PHF3: variants seen among roughly 807,000 people sequenced by gnomAD.
The protein encoded by PHF3 is PHD finger protein 3.
Under a neutral mutation model 178.4 loss-of-function variants are expected in PHF3, and 41 were observed. The ratio of observed to expected loss-of-function variants is 0.23; its 90% CI spans 0.18 to 0.30. The LOEUF (loss-of-function observed/expected upper bound fraction) is 0.30, where lower values mean the gene tolerates loss of function less well. Ranked by LOEUF, PHF3 falls within the 10% of genes least tolerant of loss-of-function variation. The pLI is 1.00. For synonymous variants in PHF3, 842 were observed against 800.5 expected (o/e 1.05, Z -0.88); for missense variants, 2,346 against 2,398.1 (o/e 0.98, Z 0.45).
Position 63,694,681 on chromosome 6 carries a change from G to A in PHF3, c.2597G>A (p.Arg866Gln), listed in dbSNP as rs766189930. The change falls in exon 6 of 16, where the codon CGG becomes CAG. Residue 866 changes from arginine (R) to glutamine (Q), a missense_variant. Physicochemically the swap from Arg to Gln is conservative, Grantham distance 43 (BLOSUM62 1). Around this residue, in one of 8 missense-constraint regions of PHF3, gnomAD observed 252 missense variants for 232.0 expected, o/e 1.09. Transcript: ENST00000262043. Reference protein sequence around the residue: ...LRKMGQPVLPRRSSEEKSEKI... With the variant: ...LRKMGQPVLPQRSSEEKSEKI... ...AAGATGGGACAACCAGTTTTACCTC[G>A]GAGATCCTCAGAAGAAAAAAGTGAA... 25 of 1,601,814 alleles carry A rather than the reference G, an allele frequency of 1.6e-5. No homozygotes were observed. Among genetic ancestry groups the A allele is most frequent in the Non-Finnish European group, 2.1e-5 (25 of 1,173,586 alleles).
chr6:63,688,146 A>T (rs1582081729), intron 4 of PHF3, among the ~76,000 whole-genome samples: 1 of 122,362 alleles, frequency 8.2e-6, no homozygotes, highest in South Asian at 2.7e-4. Flanking sequence ...AGATCATGCT[A>T]CTCCACTTCA....
intron 1 of PHF3, among the ~76,000 whole-genome samples, chr6:63,638,416 G>T (rs1328653418): frequency 1.3e-5 from 2 of 152,026 alleles, no homozygotes; most frequent in Admixed American, 1.3e-4. Flanking sequence ...TAACATGGTG[G>T]GATGGTGTTT....
chr6:63,713,784 C>A lies in PHF3; in HGVS notation c.*76C>A. On this transcript the variant is annotated 3_prime_UTR_variant, in exon 16 of 16. Transcript: ENST00000262043. ...ATCTTGTAAACAAAAGAAAGATTGC[C>A]TGCTAGGATTGTGCCATCTTTAAAA... The A allele has an allele frequency of 8.1e-7, 1 of 1,240,998 alleles. No homozygotes were observed. The highest frequency in any genetic ancestry group is 1.1e-6 in the Non-Finnish European group (1 of 909,152). The allele number at this position is 1,240,998 out of a possible 1,614,324, so 76.9% of individuals were successfully genotyped here.
At chr6:63,690,399 A>G (rs1766945335) in intron 4 of PHF3, among the ~76,000 whole-genome samples, 1 of 152,184 alleles carries the variant, frequency 6.6e-6, no homozygotes, top group Admixed American at 6.5e-5. Context: ...CACATGAGGA[A>G]GAAGAAAAGG....
chr6:63,646,790 C>T lies in PHF3; in HGVS notation c.239C>T (p.Ser80Leu). Residue 80 changes from serine (S) to leucine (L), a missense_variant, in exon 2 of 16, where the codon TCA becomes TTA. Ser to Leu is a moderately radical substitution (Grantham distance 145, BLOSUM62 -2). Transcript: ENST00000262043. ...SNDPNFQMPC[S>L]TVVGLDDIMD... Reference sequence around the variant, plus strand: ...GATCCCAATTTCCAGATGCCTTGTTCAACAGGTAATTCTTACTTTTTTTTT... The same window carrying T: ...GATCCCAATTTCCAGATGCCTTGTTTAACAGGTAATTCTTACTTTTTTTTT... 1 of 1,140,528 alleles carries T rather than the reference C, an allele frequency of 8.8e-7. No individual in the cohort carries two copies. The highest frequency in any genetic ancestry group is 1.2e-6 in the Non-Finnish European group (1 of 849,734). The allele number at this position is 1,140,528 out of a possible 1,614,324, so 70.7% of individuals were successfully genotyped here. A position where few individuals can be genotyped will look rare whatever the true frequency, so the allele number is the denominator to read the frequency against.
intron 4 of PHF3, among the ~76,000 whole-genome samples, chr6:63,686,963 C>G (rs1288487932): frequency 1.3e-5 from 2 of 152,082 alleles, no homozygotes; most frequent in Non-Finnish European, 2.9e-5. Context: ...AGTTTTATGT[C>G]AAAGTATTTC....
chr6:63,716,058 T>G lies in PHF3; in HGVS notation c.*2350T>G, dbSNP rs1298405546. ...CAGGGCATCTCAGTACCTGTAAAGT[T>G]CACCCCATGTAATCTTTGTGGCAAT... On this transcript the variant is annotated 3_prime_UTR_variant, in exon 16 of 16. Transcript: ENST00000262043. Among the ~76,000 whole-genome samples, 1 of 152,194 alleles carries G rather than the reference T, an allele frequency of 6.6e-6. No individual in the cohort carries two copies. The highest frequency in any genetic ancestry group is 1.5e-5 in the Non-Finnish European group (1 of 68,036).
At position 63,712,465 on chromosome 6, in the gene PHF3, A is replaced by G. The variant is rs201501299; in HGVS notation, c.4877A>G (p.Asp1626Gly). ...CRSNVGKGNI[D>G]GNVSCSENLV... ...TCTAATGTAGGAAAAGGAAACATAG[A>G]TGGTAATGTGAGCTGTAGTGAAAAC... Residue 1626 changes from aspartate (D) to glycine (G), a missense_variant, in exon 16 of 16, where the codon GAT becomes GGT. Physicochemically the swap from Asp to Gly is moderately conservative, Grantham distance 94. This residue lies in a region of PHF3 where 839 missense variants were observed against 806.9 expected (regional missense o/e 1.04). Transcript: ENST00000262043. The G allele has an allele frequency of 4.7e-5, 76 of 1,613,972 alleles. No individual in the cohort carries two copies. The highest frequency in any genetic ancestry group is 3.4e-4 in the South Asian group (31 of 91,088).
intron 2 of PHF3, among the ~76,000 whole-genome samples, chr6:63,656,591 C>T (rs970886255): frequency 1.3e-5 from 2 of 152,162 alleles, no homozygotes; most frequent in South Asian, 4.1e-4. Context: ...ATTTGTTGCC[C>T]AGAGCCCCCT....
At position 63,684,557 on chromosome 6, in the gene PHF3, A is replaced by G; in HGVS notation, c.835A>G (p.Lys279Glu). The stretch of plus-strand genomic sequence containing the variant: ...TGAAGCTTTGATGGAATGTAAAGCC[A>G]AGCCTGTTGGTAGTCCATTGTTTAA... ...KNEALMECKAKPVGSPLFKFS... is the reference protein window; with the variant it reads ...KNEALMECKAEPVGSPLFKFS... Residue 279 changes from lysine (K) to glutamate (E), a missense_variant, in exon 4 of 16, where the codon AAG (lysine) becomes GAG (glutamate). Lys to Glu is a moderately conservative substitution (Grantham distance 56, BLOSUM62 1). Around this residue, in one of 8 missense-constraint regions of PHF3, gnomAD observed 843 missense variants for 795.2 expected, o/e 1.06. Transcript: ENST00000262043. 2 of 1,613,950 alleles carry G rather than the reference A, an allele frequency of 1.2e-6. No individual in the cohort carries two copies. Among genetic ancestry groups the G allele is most frequent in the Non-Finnish European group, 1.7e-6 (2 of 1,179,894 alleles).
At position 63,663,755 on chromosome 6, in the gene PHF3, A is replaced by T. The variant is rs145325407; in HGVS notation, c.245-16245A>T. Among the ~76,000 whole-genome samples, 9 of 152,284 alleles carry T rather than the reference A, an allele frequency of 5.9e-5. No homozygotes were observed. In the East Asian group the frequency reaches 1.7e-3, roughly 29 times the overall value. On this transcript the variant is annotated intron_variant, in intron 2 of 15. Transcript: ENST00000262043. ...GCTCAGAAGGAAGTGACTGAGAGCT[A>T]GTATGGAGTCGCACAGTGCCAGGGA...
intron 8 of PHF3, 34 bp from the exon 9 acceptor site, chr6:63,700,316 C>A: frequency 9.9e-7 from 1 of 1,008,372 alleles, no homozygotes; most frequent in Non-Finnish European, 1.5e-6. Context: ...AAATGTTTGT[C>A]TCCCCTTCTA....
chr6:63,652,786 A>G (rs1345257525), intron 2 of PHF3, among the ~76,000 whole-genome samples: 1 of 152,094 alleles, frequency 6.6e-6, no homozygotes, highest in Non-Finnish European at 1.5e-5. Flanking sequence ...TGTTGAAGAG[A>G]TTATTCCTTC....
In PHF3 at chr6:63,721,280, C is replaced by G. The variant is rs1768375880; in HGVS notation, c.*7572C>G. On this transcript the variant is annotated 3_prime_UTR_variant, in exon 16 of 16. Transcript: ENST00000262043. ...AAGATTGGTGGAGGCAAAGATTATT[C>G]AAACAGGACACAGACTGGTTACATG... 1.9e-6 allele frequency: 3 copies of G among 1,551,810 alleles called. No homozygotes were observed. The African/African-American group carries it at 4.1e-5, about 21-fold the overall frequency.
chr6:63,680,244 C>T (rs1007477831), intron 3 of PHF3, 83 bp downstream of exon 3: 1 of 1,182,138 alleles, frequency 8.5e-7, no homozygotes, highest in Non-Finnish European at 1.2e-6. Flanking sequence ...GAGCAGAAAT[C>T]ATATTTTCTT....
At chr6:63,637,995 C>G (rs568746255) in intron 1 of PHF3, among the ~76,000 whole-genome samples, 2 of 151,548 alleles carry the variant, frequency 1.3e-5, no homozygotes, top group Non-Finnish European at 2.9e-5. Flanking sequence ...TTGGGATAGA[C>G]TTCAGATAAC....
In PHF3 at chr6:63,694,693, A is replaced by G. The variant is rs751318113; in HGVS notation, c.2609A>G (p.Glu870Gly). The change falls in exon 6 of 16, where the codon GAA (glutamate) becomes GGA (glycine). Residue 870 changes from glutamate to glycine, a missense_variant. Physicochemically the swap from Glu to Gly is moderately conservative, Grantham distance 98. This residue lies in a region of PHF3 where 252 missense variants were observed against 232.0 expected (regional missense o/e 1.09). Coordinates refer to ENST00000262043, the MANE Select transcript of PHF3 (RefSeq NM_001370348.2). ...CCAGTTTTACCTCGGAGATCCTCAG[A>G]AGAAAAAAGTGAAAAAATACCGAAA... Reference protein sequence around the residue: ...GQPVLPRRSSEEKSEKIPKES... With the variant: ...GQPVLPRRSSGEKSEKIPKES... 2 of 1,602,558 alleles carry G rather than the reference A, an allele frequency of 1.2e-6. No homozygotes were observed. Among genetic ancestry groups the G allele is most frequent in the South Asian group, 1.1e-5 (1 of 89,046 alleles).
chr6:63,715,597 A>G lies in PHF3; in HGVS notation c.*1889A>G, dbSNP rs1050245503. ...TCAGTTTTTGATCACCTCTTCGCTAATAGTTTTTTCTACATATCTAAAATT... is the reference window on the plus strand; with the variant it reads ...TCAGTTTTTGATCACCTCTTCGCTAGTAGTTTTTTCTACATATCTAAAATT... On this transcript the variant is annotated 3_prime_UTR_variant, in exon 16 of 16. Transcript: ENST00000262043. 2.0e-5 allele frequency: 3 copies of G among 152,138 alleles called. No individual in the cohort carries two copies. Among genetic ancestry groups the G allele is most frequent in the Non-Finnish European group, 2.9e-5 (2 of 68,016 alleles). The allele number at this position is 152,138 out of a possible 1,614,324, so 9.4% of individuals were successfully genotyped here.
rs1208512940 is a variant in PHF3 at position 63,711,931 on chromosome 6, T to C, written c.4343T>C (p.Ile1448Thr). The change falls in exon 16 of 16, where the codon ATT becomes ACT. Residue 1448 changes from isoleucine to threonine, a missense_variant. Ile to Thr is a moderately conservative substitution (Grantham distance 89). Transcript: ENST00000262043. ...KPLRFLPGVL[I>T]GWENQPTTLE... is the part of the protein sequence containing the mutation. ...TTAAGATTTCTTCCTGGCGTGTTGA[T>C]TGGCTGGGAGAATCAACCTACTACT... 2 of 1,613,890 alleles carry C rather than the reference T, an allele frequency of 1.2e-6. No individual in the cohort carries two copies. The highest frequency in any genetic ancestry group is 2.2e-5 in the East Asian group (1 of 44,890).
Sources: allele counts gnomAD v4.1 joint callset (sites outside exome capture counted in the v4.1 genomes callset), GRCh38; gene constraint gnomAD v4.1.1; regional missense constraint gnomAD v4.1.1; transcripts MANE v1.5; gene names NCBI Gene and HGNC (gene_info 2026-07-23, HGNC 2026-07-21).